Variants in MGAT5 observed in about 807,000 individuals in gnomAD.
MGAT5 encodes alpha-1,6-mannosylglycoprotein 6-beta-N-acetylglucosaminyltransferase A.
MGAT5 carries 30 observed loss-of-function variants against 94.3 expected under a neutral mutation model. That is an observed-to-expected ratio of 0.32 (90% CI 0.24 to 0.43). MGAT5 has a LOEUF of 0.43. Ranked by LOEUF, MGAT5 falls within the 20% of genes least tolerant of loss-of-function variation. The pLI, the probability that MGAT5 is intolerant of heterozygous loss-of-function variation, is 1.00. For missense variants in MGAT5, 691 were observed against 905.5 expected, an observed-to-expected ratio of 0.76 and a Z score of 3.04; for synonymous variants, 310 against 322.9, an observed-to-expected ratio of 0.96 and a Z score of 0.43.
chr2:134,245,402 C>T (rs972519439), intron 1 of MGAT5, among the ~76,000 whole-genome samples: 3 of 152,220 alleles, frequency 2.0e-5, no homozygotes, highest in African/African-American at 7.2e-5. Flanking sequence ...GAATGAAACT[C>T]ATAGAACATG....
chr2:134,379,131 C>T (rs1681381100), intron 10 of MGAT5, among the ~76,000 whole-genome samples: 1 of 152,180 alleles, frequency 6.6e-6, no homozygotes, highest in African/African-American at 2.4e-5. Context: ...TTCTTCCCCA[C>T]CTTTTGCTTG....
chr2:134,437,254 T>C (rs949801471), intron 14 of MGAT5, among the ~76,000 whole-genome samples: 8 of 152,180 alleles, frequency 5.3e-5, no homozygotes, highest in African/African-American at 1.9e-4. Context: ...CCTCCCAAAG[T>C]GCTGGGATTA....
chr2:134,317,606 G>A lies in MGAT5; in HGVS notation c.483+1G>A. 6.5e-7 allele frequency: 1 copy of A among 1,547,838 alleles called. No individual in the cohort carries two copies. The highest frequency in any genetic ancestry group is 2.1e-5 in the Admixed American group (1 of 48,446). ...CCCTCACTGTGAGGGAAAGATCAAG[G>A]TAAGGCAGAGGCAAGCATCATCCCC... On this transcript the variant is annotated splice_donor_variant, in intron 3 of 15. Coordinates refer to ENST00000281923, the MANE Select transcript of MGAT5 (RefSeq NM_002410.5). LOFTEE classifies it high-confidence loss of function.
chr2:134,331,263 A>G (rs1429648358), intron 4 of MGAT5, among the ~76,000 whole-genome samples: 1 of 152,170 alleles, frequency 6.6e-6, no homozygotes, highest in African/African-American at 2.4e-5. Context: ...TCCTTGTTCA[A>G]GAAAAGGGAT....
intron 10 of MGAT5, among the ~76,000 whole-genome samples, chr2:134,380,480 CAT>C (rs529719105): frequency 5.8e-4 from 88 of 152,228 alleles, no homozygotes; most frequent in African/African-American, 2.1e-3. Flanking sequence ...GAAAAAGGGA[CAT>C]GGATTATAGG....
intron 10 of MGAT5, 112 bp from the exon 11 acceptor site, chr2:134,402,876 A>AT: frequency 9.2e-7 from 1 of 1,085,324 alleles, no homozygotes; most frequent in South Asian, 2.0e-5. Context: ...TGATCTCCAT[A>AT]TTAAGAACTC....
At chr2:134,155,193 T>C (rs1350724249) in intron 1 of MGAT5, among the ~76,000 whole-genome samples, 2 of 152,212 alleles carry the variant, frequency 1.3e-5, no homozygotes, top group East Asian at 3.9e-4. Flanking sequence ...AATTCCTGTG[T>C]CTTGGACATC....
In MGAT5 at chr2:134,128,210, GA is replaced by G. The variant is rs60527385; in HGVS notation, c.-143+7931del. ...AAAGCAAGACTCCTGCCTCTACAAA[GA>G]AAAAAAAAAAAGAGAGAAAGAGAAG... On this transcript the variant is annotated intron_variant, in intron 1 of 16. Transcript: ENST00000409645. 6.2e-3 allele frequency among the ~76,000 whole-genome samples: 511 copies of G among 82,484 alleles called. 2 individuals carry two copies. Among genetic ancestry groups the G allele is most frequent in the Middle Eastern group, 0.016 (2 of 124 alleles). The allele number at this position is 82,484 out of a possible 152,430, so 54.1% of individuals were successfully genotyped here. A position where few individuals can be genotyped will look rare whatever the true frequency, so the allele number is the denominator to read the frequency against.
At chr2:134,372,714 G>A (rs2106162474) in intron 10 of MGAT5, among the ~76,000 whole-genome samples, 1 of 152,356 alleles carries the variant, frequency 6.6e-6, no homozygotes, top group South Asian at 2.1e-4. Flanking sequence ...GCCTGGGAAT[G>A]GAGAGTAGTT....
intron 2 of MGAT5, among the ~76,000 whole-genome samples, chr2:134,315,269 A>G (rs1686932739): frequency 6.6e-6 from 1 of 152,162 alleles, no homozygotes; most frequent in Admixed American, 6.5e-5. Flanking sequence ...TTTCCCCACC[A>G]AGTACCCCCT....
intron 10 of MGAT5, among the ~76,000 whole-genome samples, chr2:134,392,112 T>G (rs1682452652): frequency 6.6e-6 from 1 of 152,170 alleles, no homozygotes; most frequent in South Asian, 2.1e-4. Context: ...AGTGAGAGAT[T>G]TTCTGAAACC....
chr2:134,435,109 G>C (rs1475601947), intron 14 of MGAT5, among the ~76,000 whole-genome samples: 2 of 152,120 alleles, frequency 1.3e-5, no homozygotes, highest in Non-Finnish European at 2.9e-5. Context: ...CCTGCAGTCT[G>C]TTCCCAGCAT....
intron 4 of MGAT5, chr2:134,319,797 CATTCTGGGTCCG>C (rs1687210833): frequency 5.0e-6 from 2 of 399,948 alleles, no homozygotes; most frequent in African/African-American, 4.2e-5. Flanking sequence ...ACATTGGGTG[CATTCTGGGTCCG>C]TACATATGCA....
chr2:134,412,766 C>T (rs887367213), intron 11 of MGAT5, 103 bp from the exon 12 acceptor site: 9 of 1,440,924 alleles, frequency 6.2e-6, no homozygotes, highest in Admixed American at 1.9e-5. Flanking sequence ...GGTGTCCACA[C>T]GGGAATGGGC....
chr2:134,351,424 A>G (rs948214466), intron 9 of MGAT5, among the ~76,000 whole-genome samples: 2 of 152,188 alleles, frequency 1.3e-5, no homozygotes, highest in African/African-American at 4.8e-5. Context: ...GCTGGGTGAT[A>G]TGGCAGGCGT....
At chr2:134,173,866 C>T (rs1334400364) in intron 1 of MGAT5, among the ~76,000 whole-genome samples, 2 of 152,186 alleles carry the variant, frequency 1.3e-5, no homozygotes, top group East Asian at 3.8e-4. Context: ...GTATAAAGCA[C>T]GTGGCCTCTA....
chr2:134,420,526 C>A (rs1684236345), intron 12 of MGAT5, among the ~76,000 whole-genome samples: 1 of 152,248 alleles, frequency 6.6e-6, no homozygotes, highest in African/African-American at 2.4e-5. Context: ...CCTTGAATAG[C>A]ACATGCATGC....
intron 1 of MGAT5, among the ~76,000 whole-genome samples, chr2:134,260,743 A>C (rs1482050447): frequency 6.8e-6 from 1 of 146,968 alleles, no homozygotes; most frequent in East Asian, 2.0e-4. Context: ...TTGTGGGATA[A>C]TGTGGAAAAC....
chr2:134,371,836 G>A (rs1270849998), intron 10 of MGAT5, among the ~76,000 whole-genome samples: 1 of 151,898 alleles, frequency 6.6e-6, no homozygotes, highest in Non-Finnish European at 1.5e-5. Context: ...TAGCATTGAT[G>A]TGTTGGGTTC....
Sources: allele counts gnomAD v4.1 joint callset (sites outside exome capture counted in the v4.1 genomes callset), GRCh38; gene constraint gnomAD v4.1.1; transcripts MANE v1.5; gene names NCBI Gene and HGNC (gene_info 2026-07-23, HGNC 2026-07-21).